The following DGCR8 variants were observed in gnomAD, a reference collection of about 807,000 sequenced individuals.
The protein encoded by DGCR8 is microprocessor complex subunit DGCR8.
Under a neutral mutation model 78.5 loss-of-function variants are expected in DGCR8, and 14 were observed. The observed-to-expected ratio is 0.18, with a 90% CI of 0.12 to 0.28. DGCR8 has a LOEUF of 0.28. Ranked by LOEUF, DGCR8 falls within the 10% of genes least tolerant of loss-of-function variation. DGCR8 has a pLI of 1.00. For missense variants in DGCR8, 702 were observed against 1,022.5 expected (o/e 0.69, Z 4.28); for synonymous variants, 399 against 402.4 (o/e 0.99, Z 0.10).
intron 9 of DGCR8, among the ~76,000 whole-genome samples, chr22:20,096,869 GT>G (rs1483909261): frequency 3.3e-5 from 5 of 152,094 alleles, no homozygotes; most frequent in African/African-American, 1.2e-4. Context: ...TTTGCTGAGA[GT>G]TTTTGTAGGA....
At chr22:20,109,590 G>A (rs1273598607) in intron 13 of DGCR8, among the ~76,000 whole-genome samples, 1 of 152,244 alleles carries the variant, frequency 6.6e-6, no homozygotes, top group Non-Finnish European at 1.5e-5. Context: ...TTGGCCTCCT[G>A]GAGCCAGTGG....
chr22:20,106,294 C>G lies in DGCR8; in HGVS notation c.1889+17C>G. The stretch of plus-strand genomic sequence containing the variant: ...CCTTAAAAGGTAGGGTAGGGGGGTG[C>G]CTCCCCCCATGAGTCAGGTCGGGGG... On this transcript the variant is annotated intron_variant, in intron 10 of 13. Coordinates refer to ENST00000351989, the MANE Select transcript of DGCR8 (RefSeq NM_022720.7). 2.5e-6 allele frequency: 4 copies of G among 1,579,150 alleles called. No homozygotes were observed. The highest frequency in any genetic ancestry group is 3.5e-6 in the Non-Finnish European group (4 of 1,149,834).
At chr22:20,106,508 A>G in intron 10 of DGCR8, 84 bp from the exon 11 acceptor site, 1 of 1,052,038 alleles carries the variant, frequency 9.5e-7, no homozygotes, top group Non-Finnish European at 1.5e-6. Context: ...GTCATTTCCT[A>G]AGGGCTTCCC....
intron 5 of DGCR8, 100 bp downstream of exon 5, chr22:20,090,358 G>C: frequency 7.4e-7 from 1 of 1,357,438 alleles, no homozygotes. Context: ...AGTTGTACTT[G>C]TGAGCAAGGG....
rs879552623 is a variant in DGCR8, at chr22:20,087,569, G to A, written c.880+248G>A. On this transcript the variant is annotated intron_variant, in intron 3 of 13. Coordinates refer to ENST00000351989, the MANE Select transcript of DGCR8 (RefSeq NM_022720.7). The surrounding 1 kb of genome is among the most constrained non-coding windows in gnomAD (Gnocchi z 4.1). ...GCAGCAGGCACTGTGCAGAGGAATGGGAGGGGACTTCTGAGGGGGTCAGGA... is the reference window on the plus strand; with the variant it reads ...GCAGCAGGCACTGTGCAGAGGAATGAGAGGGGACTTCTGAGGGGGTCAGGA... Among the ~76,000 whole-genome samples, 2 of 152,132 alleles carry A rather than the reference G, an allele frequency of 1.3e-5. No individual in the cohort carries two copies. Among genetic ancestry groups the A allele is most frequent in the South Asian group, 2.1e-4 (1 of 4,826 alleles).
intron 9 of DGCR8, chr22:20,102,232 G>C: frequency 3.1e-6 from 1 of 319,596 alleles, no homozygotes; most frequent in Non-Finnish European, 4.5e-6. Context: ...CTTCTTTGTT[G>C]GTCAAACTCT....
In DGCR8 at chr22:20,109,131, A is replaced by G. The variant is rs529154979; in HGVS notation, c.2238+128A>G. 1.3e-5 allele frequency: 8 copies of G among 601,984 alleles called. No homozygotes were observed. In the Admixed American group the frequency reaches 1.8e-4, roughly 14 times the overall value. 37.3% of individuals were successfully genotyped at this position (601,984 alleles called of 1,614,324 possible). A position where few individuals can be genotyped will look rare whatever the true frequency, so the allele number is the denominator to read the frequency against. ...GAAATGCTTGGATCCTCCTTCCAAA[A>G]TCAGATACAGGCTTTTCTTTGAGCT... is the stretch of plus-strand genomic sequence containing the variant. On this transcript the variant is annotated intron_variant, in intron 13 of 13. Transcript: ENST00000351989.
chr22:20,090,201 C>T lies in DGCR8; in HGVS notation c.1249C>T (p.Pro417Ser). The T allele has an allele frequency of 1.2e-6, 2 of 1,612,802 alleles. No individual in the cohort carries two copies. Among genetic ancestry groups the T allele is most frequent in the Non-Finnish European group, 1.7e-6 (2 of 1,179,676 alleles). ...AGACCCACTAGGGGCTGAGGCAGCCCCTGGGGCCCTGGGGCAGGTGAAGGC... is the reference window on the plus strand; with the variant it reads ...AGACCCACTAGGGGCTGAGGCAGCCTCTGGGGCCCTGGGGCAGGTGAAGGC... The part of the protein sequence containing the change: ...EKDPLGAEAA[P>S]GALGQVKAKV... Residue 417 changes from proline to serine, a missense_variant, in exon 5 of 14, where the codon CCT becomes TCT. By Grantham distance (74) the Pro-to-Ser change is moderately conservative (BLOSUM62 -1). Coordinates refer to ENST00000351989, the MANE Select transcript of DGCR8 (RefSeq NM_022720.7).
At chr22:20,094,040 G>A (rs1331679240) in intron 8 of DGCR8, among the ~76,000 whole-genome samples, 1 of 152,198 alleles carries the variant, frequency 6.6e-6, no homozygotes, top group African/African-American at 2.4e-5. Flanking sequence ...GGCCTTTTGT[G>A]GGGGTGGAGA....
At chr22:20,097,352 T>G (rs904446615) in intron 9 of DGCR8, among the ~76,000 whole-genome samples, 5 of 152,244 alleles carry the variant, frequency 3.3e-5, no homozygotes, top group African/African-American at 1.2e-4. Flanking sequence ...CAATCTTACA[T>G]GTTATAGGTC....
rs149296870 is a variant in DGCR8 at position 20,084,288 on chromosome 22, A to T, written c.-277-1399A>T. Among the ~76,000 whole-genome samples, 285 of 152,314 alleles carry T rather than the reference A, an allele frequency of 1.9e-3. 2 individuals carry two copies. Among genetic ancestry groups the T allele is most frequent in the African/African-American group, 6.4e-3 (268 of 41,574 alleles). On this transcript the variant is annotated intron_variant, in intron 1 of 13. Coordinates refer to ENST00000351989, the MANE Select transcript of DGCR8 (RefSeq NM_022720.7). ...ATCTTGGGAGGATGTTAGGTCATGC[A>T]GTGCGGTTTGCATGTGTGCATCTTT...
In DGCR8 at chr22:20,087,176, C is replaced by T. The variant is rs7291552; in HGVS notation, c.735C>T (p.Asn245=). The change falls in exon 3 of 14, where the codon AAC becomes AAT. Residue 245 remains asparagine, a synonymous_variant. Transcript: ENST00000351989. The surrounding 1 kb of genome is among the most constrained non-coding windows in gnomAD (Gnocchi z 4.1). The part of the protein sequence containing the change: ...LNFPYEDDFD[N]DVDALLEEGL... Reference sequence around the variant, plus strand: ...GTGTTTTGCAGGATGACTTTGACAACGATGTGGATGCTCTGCTGGAAGAAG... The same window carrying T: ...GTGTTTTGCAGGATGACTTTGACAATGATGTGGATGCTCTGCTGGAAGAAG... The T allele has an allele frequency of 2.7e-3, 4,292 of 1,610,864 alleles. 71 individuals are homozygous for T. In the African/African-American group the frequency reaches 0.047, roughly 18 times the overall value.
At chr22:20,092,097 G>A (rs999644472) in intron 7 of DGCR8, 127 bp downstream of exon 7, 2 of 712,404 alleles carry the variant, frequency 2.8e-6, no homozygotes, top group South Asian at 1.8e-5. Flanking sequence ...AGGGTAGAGA[G>A]CAGCGTGCTG....
rs561084252 is a variant in DGCR8, at chr22:20,090,012, C to T, written c.1060C>T (p.His354Tyr). 1.2e-6 allele frequency: 2 copies of T among 1,613,872 alleles called. No homozygotes were observed. Among genetic ancestry groups the T allele is most frequent in the Middle Eastern group, 1.7e-4 (1 of 6,060 alleles). ...DPPLSSIPCL[H>Y]YKKMKDNEER... ...TCCTCTGAGTAGCATCCCTTGTCTG[C>T]ATTATAAGAAAATGAAGGACAACGA... Residue 354 changes from histidine to tyrosine, a missense_variant, in exon 5 of 14, where the codon CAT becomes TAT. His to Tyr is a moderately conservative substitution (Grantham distance 83). Coordinates refer to ENST00000351989, the MANE Select transcript of DGCR8 (RefSeq NM_022720.7).
intron 1 of DGCR8, 84 bp downstream of exon 1, chr22:20,080,467 C>T (rs1602472035): frequency 3.0e-6 from 3 of 983,652 alleles, no homozygotes; most frequent in South Asian, 4.7e-5. Context: ...CCTCCCGCCT[C>T]CCTCCGGGAC....
Position 20,103,561 on chromosome 22 carries a change from C to G in DGCR8, c.1789-2616C>G, listed in dbSNP as rs547403325. Among the ~76,000 whole-genome samples, 26 of 152,134 alleles carry G rather than the reference C, an allele frequency of 1.7e-4. No individual in the cohort carries two copies. In the South Asian group the frequency reaches 5.0e-3, roughly 29 times the overall value. ...GTTCCTGGGATAAGTCCTACTTGGG[C>G]ATGGTATATGTTCCTTTTCATGTGT... is the stretch of plus-strand genomic sequence containing the variant. On this transcript the variant is annotated intron_variant, in intron 9 of 13. Coordinates refer to ENST00000351989, the MANE Select transcript of DGCR8 (RefSeq NM_022720.7).
chr22:20,086,431 T>A lies in DGCR8; in HGVS notation c.468T>A (p.Ser156Arg). Reference protein sequence around the residue: ...AECGLLLSPVSGDVHACPFGG... With the variant: ...AECGLLLSPVRGDVHACPFGG... ...GCGGTCTGCTCCTTAGCCCTGTCAG[T>A]GGGGACGTGCATGCTTGTCCCTTTG... The change falls in exon 2 of 14, where the codon AGT becomes AGA. Residue 156 changes from serine (S) to arginine (R), a missense_variant. Transcript: ENST00000351989. The surrounding 1 kb of genome is among the most constrained non-coding windows in gnomAD (Gnocchi z 6.4). 1 of 1,613,868 alleles carries A rather than the reference T, an allele frequency of 6.2e-7. No individual in the cohort carries two copies. The highest frequency in any genetic ancestry group is 8.5e-7 in the Non-Finnish European group (1 of 1,179,986).
At chr22:20,101,830 C>G (rs2049705890) in intron 9 of DGCR8, 1 of 985,214 alleles carries the variant, frequency 1.0e-6, no homozygotes, top group Non-Finnish European at 1.2e-6. Flanking sequence ...CCTGGACAGC[C>G]TGGGGCGTGG....
At chr22:20,080,440 G>A (rs1392234542) in intron 1 of DGCR8, 57 bp downstream of exon 1, 26 of 979,484 alleles carry the variant, frequency 2.7e-5, no homozygotes, top group Non-Finnish European at 4.8e-6. Flanking sequence ...CGCGGCCTGC[G>A]CGAGGGCGCG....
Sources: allele counts gnomAD v4.1 joint callset (sites outside exome capture counted in the v4.1 genomes callset), GRCh38; gene constraint gnomAD v4.1.1; non-coding constraint Gnocchi (gnomAD v3.1); transcripts MANE v1.5; gene names NCBI Gene and HGNC (gene_info 2026-07-23, HGNC 2026-07-21).